ADAM23: variants seen among roughly 807,000 people sequenced by gnomAD.
The protein encoded by ADAM23 is ADAM metallopeptidase domain 23.
ADAM23 carries 33 observed loss-of-function variants against 120.1 expected under a neutral mutation model. The observed-to-expected ratio is 0.27, with a 90% CI of 0.21 to 0.37. The LOEUF is 0.37. Ranked by LOEUF, ADAM23 falls within the 10% of genes least tolerant of loss-of-function variation. ADAM23 has a pLI of 1.00. For synonymous variants in ADAM23, 367 were observed against 375.2 expected (o/e 0.98, Z 0.25); for missense variants, 862 against 1,058.2 (o/e 0.81, Z 2.57).
chr2:206,496,241 A>G (rs549327808), intron 3 of ADAM23, among the ~76,000 whole-genome samples: 2 of 152,304 alleles, frequency 1.3e-5, no homozygotes, highest in Admixed American at 6.5e-5. Flanking sequence ...AATTGACCAC[A>G]TAGTTGGAAG....
chr2:206,480,106 G>A (rs1375905519), intron 2 of ADAM23, among the ~76,000 whole-genome samples: 2 of 152,250 alleles, frequency 1.3e-5, no homozygotes, highest in Middle Eastern at 6.8e-3. Flanking sequence ...GATGGGAAAG[G>A]GAGAGACAGG....
At chr2:206,550,895 C>G (rs867085714) in intron 9 of ADAM23, among the ~76,000 whole-genome samples, 8 of 152,120 alleles carry the variant, frequency 5.3e-5, no homozygotes, top group South Asian at 2.1e-4. Context: ...GCCACCGCGC[C>G]CGGCGACTTA....
intron 2 of ADAM23, among the ~76,000 whole-genome samples, chr2:206,474,490 C>A (rs2105871758): frequency 6.6e-6 from 1 of 152,206 alleles, no homozygotes; most frequent in South Asian, 2.1e-4. Flanking sequence ...TTACTGTATT[C>A]TTTTTTCTCT....
At chr2:206,531,167 T>C (rs1433338629) in intron 4 of ADAM23, among the ~76,000 whole-genome samples, 1 of 152,230 alleles carries the variant, frequency 6.6e-6, no homozygotes. Context: ...TGATTATACA[T>C]GCAGTACCTT....
intron 11 of ADAM23, 108 bp from the exon 12 acceptor site, chr2:206,561,020 A>G: frequency 1.2e-6 from 1 of 800,798 alleles, no homozygotes; most frequent in Non-Finnish European, 2.1e-6. Flanking sequence ...GATTTCTTGG[A>G]GGAGGATGGT....
rs182489221 is a variant in ADAM23 at position 206,468,559 on chromosome 2, A to T, written c.433-12673A>T. 5.9e-5 allele frequency among the ~76,000 whole-genome samples: 9 copies of T among 152,292 alleles called. No individual in the cohort carries two copies. In the East Asian group the frequency reaches 1.4e-3, roughly 23 times the overall value. On this transcript the variant is annotated intron_variant, in intron 2 of 25. Transcript: ENST00000264377. Reference sequence around the variant, plus strand: ...CAGGCTGGCCATCTCTGTTCATGTCACTATGAGCACTTTGGTCATAACCAT... The same window carrying T: ...CAGGCTGGCCATCTCTGTTCATGTCTCTATGAGCACTTTGGTCATAACCAT...
At chr2:206,578,858 C>T (rs1698169664) in intron 18 of ADAM23, among the ~76,000 whole-genome samples, 1 of 152,162 alleles carries the variant, frequency 6.6e-6, no homozygotes, top group Admixed American at 6.5e-5. Flanking sequence ...TTCCCACCAG[C>T]AGTGTAGAAG....
At chr2:206,474,824 C>T (rs1469975065) in intron 2 of ADAM23, among the ~76,000 whole-genome samples, 1 of 152,216 alleles carries the variant, frequency 6.6e-6, no homozygotes, top group Non-Finnish European at 1.5e-5. Flanking sequence ...ATCCTCCTGC[C>T]TTAGCCTCTC....
At chr2:206,561,278 C>A (rs1435566439) in intron 12 of ADAM23, 66 bp downstream of exon 12, 1 of 1,344,690 alleles carries the variant, frequency 7.4e-7, no homozygotes, top group South Asian at 1.2e-5. Flanking sequence ...GCCCAGTTTA[C>A]ATCCTTTCTC....
At position 206,481,232 on chromosome 2, in the gene ADAM23, G is replaced by A; in HGVS notation, c.433G>A (p.Ala145Thr). 1 of 1,608,632 alleles carries A rather than the reference G, an allele frequency of 6.2e-7. No individual in the cohort carries two copies. The highest frequency in any genetic ancestry group is 8.5e-7 in the Non-Finnish European group (1 of 1,177,944). The change falls in exon 3 of 26, where the codon GCT becomes ACT. Residue 145 changes from alanine to threonine, a missense_variant and splice_region_variant. Physicochemically the swap from Ala to Thr is moderately conservative, Grantham distance 58 (BLOSUM62 0). Coordinates refer to ENST00000264377, the MANE Select transcript of ADAM23 (RefSeq NM_003812.4). ...KARHQQKHNK[A>T]VHLAQASFQI... ...TTCTTCTGTCTTTTTGAATCCATAGGCTGTCCATCTGGCCCAGGCAAGCTT... is the reference window on the plus strand; with the variant it reads ...TTCTTCTGTCTTTTTGAATCCATAGACTGTCCATCTGGCCCAGGCAAGCTT...
chr2:206,559,372 TGTGGGTG>T, intron 10 of ADAM23, among the ~76,000 whole-genome samples: 1 of 152,218 alleles, frequency 6.6e-6, no homozygotes, highest in Non-Finnish European at 1.5e-5. Flanking sequence ...ATTTAAATAT[TGTGGGTG>T]ATGCCACCCA....
chr2:206,472,364 C>A (rs531491742), intron 2 of ADAM23, among the ~76,000 whole-genome samples: 1 of 151,922 alleles, frequency 6.6e-6, no homozygotes, highest in Admixed American at 6.6e-5. Context: ...AATCCCAGTA[C>A]CTTGGGAGGC....
chr2:206,496,782 A>G (rs1696259587), intron 3 of ADAM23, among the ~76,000 whole-genome samples: 1 of 152,214 alleles, frequency 6.6e-6, no homozygotes, highest in Admixed American at 6.5e-5. Flanking sequence ...AAAAGAGAGA[A>G]GAATCAAATA....
chr2:206,500,205 T>TA (rs1696358712), intron 3 of ADAM23, among the ~76,000 whole-genome samples: 3 of 152,120 alleles, frequency 2.0e-5, no homozygotes, highest in African/African-American at 7.2e-5. Flanking sequence ...TCGTACTCAT[T>TA]GTTGCATTAG....
At position 206,588,137 on chromosome 2, in the gene ADAM23, A is replaced by G. The variant is rs1009274079; in HGVS notation, c.1835A>G (p.Gln612Arg). The G allele has an allele frequency of 1.2e-6, 2 of 1,614,110 alleles. No individual in the cohort carries two copies. Among genetic ancestry groups the G allele is most frequent in the Non-Finnish European group, 1.7e-6 (2 of 1,179,950 alleles). The change falls in exon 20 of 26, where the codon CAG becomes CGG. Residue 612 changes from glutamine (Q) to arginine (R), a missense_variant. Coordinates refer to ENST00000264377, the MANE Select transcript of ADAM23 (RefSeq NM_003812.4). ...TGCAAGACCAGAGACAACCAGTGTC[A>G]GTACATCTGGGGAACAAGTAGGTCG... ...GECKTRDNQC[Q>R]YIWGTKAAGS...
chr2:206,521,444 T>A (rs924504530), intron 3 of ADAM23, among the ~76,000 whole-genome samples: 1 of 152,124 alleles, frequency 6.6e-6, no homozygotes, highest in African/African-American at 2.4e-5. Context: ...TCTTTTCCTT[T>A]AAAAATATAG....
At chr2:206,592,102 A>G (rs1698436562) in intron 21 of ADAM23, among the ~76,000 whole-genome samples, 1 of 152,192 alleles carries the variant, frequency 6.6e-6, no homozygotes, top group Non-Finnish European at 1.5e-5. Flanking sequence ...TGTAACCCTT[A>G]GCATGTTGAT....
chr2:206,601,527 CT>C (rs1698639867), intron 24 of ADAM23, among the ~76,000 whole-genome samples: 1 of 152,126 alleles, frequency 6.6e-6, no homozygotes, highest in African/African-American at 2.4e-5. Flanking sequence ...GATCCCAACA[CT>C]TTAGGAAGCT....
chr2:206,509,051 TGAAAA>T lies in ADAM23; in HGVS notation c.510-21830_510-21826del, dbSNP rs1696566542. ...GACCTGTTGTCACCAAACCATCATA[TGAAAA>T]GAAGATAGCAATAGATGTTTATATT... On this transcript the variant is annotated intron_variant, in intron 3 of 25. Coordinates refer to ENST00000264377, the MANE Select transcript of ADAM23 (RefSeq NM_003812.4). 2.0e-5 allele frequency among the ~76,000 whole-genome samples: 3 copies of T among 152,250 alleles called. No homozygotes were observed. In the South Asian group the frequency reaches 6.2e-4, roughly 32 times the overall value.
Sources: gnomAD v4.1 joint callset for allele counts (sites outside exome capture counted in the v4.1 genomes callset) on GRCh38, gnomAD v4.1.1 for gene constraint, MANE v1.5 for transcripts, NCBI Gene and HGNC (gene_info 2026-07-23, HGNC 2026-07-21) for gene names.